The following IBTK variants were observed in gnomAD, a reference collection of about 807,000 sequenced individuals.
IBTK encodes the protein BTK-binding protein.
In IBTK, 83 loss-of-function variants were observed where a neutral mutation model predicts 154.9. The observed-to-expected ratio is 0.54, with a 90% CI of 0.45 to 0.64. The LOEUF (loss-of-function observed/expected upper bound fraction) is 0.64. Ranked by LOEUF, IBTK falls within the 30% of genes least tolerant of loss-of-function variation. IBTK has a pLI of 0.00. For missense variants in IBTK, 1,332 were observed against 1,584.6 expected (o/e 0.84, Z 2.71); for synonymous variants, 515 against 536.1 (o/e 0.96, Z 0.54).
intron 26 of IBTK, among the ~76,000 whole-genome samples, chr6:82,177,632 T>C (rs1026099498): frequency 6.6e-6 from 1 of 152,132 alleles, no homozygotes; most frequent in African/African-American, 2.4e-5. Context: ...CAGGCTGGTC[T>C]TGAAGTCCCG....
chr6:82,241,429 C>T (rs1482160712), intron 1 of IBTK, among the ~76,000 whole-genome samples: 1 of 152,178 alleles, frequency 6.6e-6, no homozygotes, highest in Non-Finnish European at 1.5e-5. Flanking sequence ...ATATTGTTAC[C>T]TCTGCCTGAA....
chr6:82,234,680 T>C (rs865896055), intron 2 of IBTK, among the ~76,000 whole-genome samples: 11 of 151,902 alleles, frequency 7.2e-5, no homozygotes, highest in Admixed American at 1.3e-4. Flanking sequence ...ATCAACCCCA[T>C]AAATACACTG....
chr6:82,202,790 G>A, intron 17 of IBTK, 145 bp from the exon 18 acceptor site: 6 of 535,476 alleles, frequency 1.1e-5, no homozygotes, highest in Non-Finnish European at 1.3e-5. Context: ...TTAATACTGG[G>A]GCAAATATGT....
At chr6:82,241,362 A>G (rs1355753529) in intron 1 of IBTK, among the ~76,000 whole-genome samples, 1 of 152,132 alleles carries the variant, frequency 6.6e-6, no homozygotes, top group Non-Finnish European at 1.5e-5. Flanking sequence ...CAACACAACA[A>G]TAACCAACAC....
intron 6 of IBTK, among the ~76,000 whole-genome samples, 191 bp from the exon 7 acceptor site, chr6:82,224,376 T>C (rs891300361): frequency 6.6e-6 from 1 of 152,180 alleles, no homozygotes; most frequent in African/African-American, 2.4e-5. Context: ...ACACAAAACA[T>C]TGTGATGCAG....
chr6:82,185,562 A>G (rs1768518612), intron 25 of IBTK, among the ~76,000 whole-genome samples: 2 of 149,586 alleles, frequency 1.3e-5, no homozygotes, highest in Non-Finnish European at 3.0e-5. Flanking sequence ...TTTTTCTTTA[A>G]AACCAATGCA....
At chr6:82,202,402 AG>A (rs1769242210) in intron 18 of IBTK, 125 bp downstream of exon 18, 2 of 667,360 alleles carry the variant, frequency 3.0e-6, no homozygotes, top group Non-Finnish European at 5.3e-6. Context: ...CTAAATCATC[AG>A]CATTGATCAA....
chr6:82,202,481 A>C (rs550329844), intron 18 of IBTK, 47 bp downstream of exon 18: 1 of 975,532 alleles, frequency 1.0e-6, no homozygotes, highest in African/African-American at 1.6e-5. Flanking sequence ...TATTATATAT[A>C]AATATCTCCT....
chr6:82,187,380 T>C lies in IBTK; in HGVS notation c.3575+3693A>G, dbSNP rs541339157. Among the ~76,000 whole-genome samples, 5 of 152,316 alleles carry C rather than the reference T, an allele frequency of 3.3e-5. No individual in the cohort carries two copies. The South Asian group carries it at 6.2e-4, about 19-fold the overall frequency. ...ATGTGGCACTCTAAGCTCATGTTGC[T>C]ATTACCAAGGAAAAATTTTTCCTAT... On this transcript the variant is annotated intron_variant, in intron 25 of 28. Coordinates refer to ENST00000306270, the MANE Select transcript of IBTK (RefSeq NM_015525.4).
At position 82,196,351 on chromosome 6, in the gene IBTK, T is replaced by C. The variant is rs1768985170; in HGVS notation, c.3121A>G (p.Arg1041Gly). The change falls in exon 22 of 29, where the codon AGA becomes GGA. Residue 1041 changes from arginine to glycine, a missense_variant. Coordinates refer to ENST00000306270, the MANE Select transcript of IBTK (RefSeq NM_015525.4). ...GTGAAATCAGGGGACTGTAAATCTC[T>C]AGGACTACCCACTCCTGCATAGCTT... ...EGSYAGVGSP[R>G]DLQSPDFTTG... 1.9e-6 allele frequency: 3 copies of C among 1,611,848 alleles called. No homozygotes were observed. The highest frequency in any genetic ancestry group is 2.2e-5 in the South Asian group (2 of 90,678).
rs1767933213 is a variant in IBTK, at chr6:82,171,705, A to T, written c.3931-149T>A. The T allele has an allele frequency of 8.6e-6, 6 of 695,380 alleles. No individual in the cohort carries two copies. In the South Asian group the frequency reaches 1.1e-4, roughly 12 times the overall value. The allele number at this position is 695,380 out of a possible 1,614,324, so 43.1% of individuals were successfully genotyped here. ...AATCAGGTATCCTGCATTTTAAATC[A>T]GGTATCCTGCTATCTCTGTGGCAAG... is the stretch of plus-strand genomic sequence containing the variant. On this transcript the variant is annotated intron_variant, in intron 28 of 28. Transcript: ENST00000306270.
At chr6:82,173,229 T>G (rs373573854) in intron 27 of IBTK, 138 bp downstream of exon 27, 2 of 546,284 alleles carry the variant, frequency 3.7e-6, no homozygotes, top group South Asian at 3.3e-5. Flanking sequence ...CTTGAACTCC[T>G]GACCTCAGAT....
intron 8 of IBTK, among the ~76,000 whole-genome samples, chr6:82,221,727 A>G (rs1391456245): frequency 6.6e-6 from 1 of 152,232 alleles, no homozygotes; most frequent in Non-Finnish European, 1.5e-5. Flanking sequence ...TATATAGGCA[A>G]GTTTTATAAA....
At chr6:82,227,356 T>C (rs1770335033) in intron 4 of IBTK, 54 bp from the exon 5 acceptor site, 1 of 1,049,758 alleles carries the variant, frequency 9.5e-7, no homozygotes, top group Non-Finnish European at 1.4e-6. Context: ...ATATCCTTTA[T>C]TTTATGAAAA....
chr6:82,213,955 G>GA (rs35710175), intron 12 of IBTK, among the ~76,000 whole-genome samples: 65,125 of 149,818 alleles, frequency 0.43, 14,404 homozygotes, highest in East Asian at 0.74. Flanking sequence ...AAAAGGGTGG[G>GA]ATTTTTTTTT....
rs757125704 is a variant in IBTK at position 82,214,560 on chromosome 6, T to C, written c.1871A>G (p.His624Arg). The change falls in exon 12 of 29, where the codon CAT becomes CGT. Residue 624 changes from histidine to arginine, a missense_variant. Transcript: ENST00000306270. ...GCHLFVVEKV[H>R]PDMFEYLLQF... ...TAAAAGGTATTCAAACATGTCAGGATGAACCTTCTCTACCACAAAGAGATG... is the reference window on the plus strand; with the variant it reads ...TAAAAGGTATTCAAACATGTCAGGACGAACCTTCTCTACCACAAAGAGATG... The C allele has an allele frequency of 6.2e-7, 1 of 1,614,118 alleles. No homozygotes were observed. Among genetic ancestry groups the C allele is most frequent in the South Asian group, 1.1e-5 (1 of 91,086 alleles).
chr6:82,214,266 G>T lies in IBTK; in HGVS notation c.2165C>A (p.Thr722Asn). Residue 722 changes from threonine to asparagine, a missense_variant, in exon 12 of 29, where the codon ACT becomes AAT. This residue lies in a region of IBTK where 1,134 missense variants were observed against 1,274.7 expected (regional missense o/e 0.89). Transcript: ENST00000306270. ...REDDPVRMLQ[T>N]VAKKFDFSNL... Reference sequence around the variant, plus strand: ...ACTGAAGTCGAATTTCTTTGCAACAGTTTGCAACATTCTTACAGGATCATC... The same window carrying T: ...ACTGAAGTCGAATTTCTTTGCAACATTTTGCAACATTCTTACAGGATCATC... The T allele has an allele frequency of 6.2e-7, 1 of 1,612,306 alleles. No individual in the cohort carries two copies. The highest frequency in any genetic ancestry group is 8.5e-7 in the Non-Finnish European group (1 of 1,179,458).
At chr6:82,231,568 T>A in intron 4 of IBTK, 150 bp downstream of exon 4, 1 of 527,708 alleles carries the variant, frequency 1.9e-6, no homozygotes. Flanking sequence ...ATATCTAAAA[T>A]AAAATTAGCA....
intron 21 of IBTK, among the ~76,000 whole-genome samples, chr6:82,198,559 T>TA (rs530834996): frequency 5.7e-4 from 85 of 149,734 alleles, no homozygotes; most frequent in Middle Eastern, 3.4e-3. Flanking sequence ...TCAGTAAACA[T>TA]AAAAAAAAAA....
Sources: allele counts gnomAD v4.1 joint callset (sites outside exome capture counted in the v4.1 genomes callset), GRCh38; gene constraint gnomAD v4.1.1; regional missense constraint gnomAD v4.1.1; transcripts MANE v1.5; gene names NCBI Gene and HGNC (gene_info 2026-07-23, HGNC 2026-07-21).